ASB9: variants seen among roughly 807,000 people sequenced by gnomAD.
ASB9 encodes ankyrin repeat and SOCS box containing 9.
A neutral mutation model predicts 16.6 loss-of-function variants in ASB9; 5 were observed. The observed-to-expected ratio is 0.30, with a 90% CI of 0.16 to 0.63. The LOEUF (loss-of-function observed/expected upper bound fraction) is 0.63, where lower values mean the gene tolerates loss of function less well. Ranked by LOEUF, ASB9 falls within the 30% of genes least tolerant of loss-of-function variation. The pLI is 0.82. For synonymous variants in ASB9, 100 were observed against 86.4 expected (o/e 1.16, Z -0.87); for missense variants, 216 against 229.4 (o/e 0.94, Z 0.38).
intron 3 of ASB9, 91 bp downstream of exon 3, chrX:15,254,646 T>C: frequency 1.5e-6 from 1 of 659,916 alleles, no homozygotes; most frequent in African/African-American, 2.1e-5. Flanking sequence ...TTCAAATCAG[T>C]CTAATCAAAA....
At chrX:15,266,029 C>G (rs1426161061) in intron 1 of ASB9, among the ~76,000 whole-genome samples, 1 of 110,795 alleles carries the variant, frequency 9.0e-6, no homozygotes, top group East Asian at 2.9e-4. Flanking sequence ...TCTGGAACTC[C>G]CAACCTCAGG....
chrX:15,267,425 T>TTTAAAAAAAAAAAAAAAAATAC lies in ASB9; in HGVS notation c.94+2355_94+2356insGTATTTTTTTTTTTTTTTTTAA, dbSNP rs377056337. Among the ~76,000 whole-genome samples, 15 of 87,620 alleles carry TTTAAAAAAAAAAAAAAAAATAC rather than the reference T, an allele frequency of 1.7e-4. No homozygotes were observed. In the East Asian group the frequency reaches 1.8e-3, roughly 10 times the overall value. The allele number at this position is 87,620 out of a possible 115,157, so 76.1% of individuals were successfully genotyped here. On this transcript the variant is annotated intron_variant, in intron 1 of 6. Transcript: ENST00000380488. ...ACTCCATCTAAAAAAAAAATATATATATATATATAATTATATATATAATTC... is the reference window on the plus strand; with the variant it reads ...ACTCCATCTAAAAAAAAAATATATATTTAAAAAAAAAAAAAAAAATACATATATATAATTATATATATAATTC...
chrX:15,256,584 T>G (rs1925564140), intron 2 of ASB9, among the ~76,000 whole-genome samples: 1 of 107,292 alleles, frequency 9.3e-6, no homozygotes, highest in Admixed American at 1.0e-4. Context: ...GAGACCATCC[T>G]GGCTAACACG....
intron 3 of ASB9, among the ~76,000 whole-genome samples, chrX:15,254,391 C>T (rs769873034): frequency 1.5e-4 from 17 of 112,286 alleles, no homozygotes; most frequent in Non-Finnish European, 3.2e-4. Flanking sequence ...TGAATGACCA[C>T]ATAGATTTTC....
At chrX:15,245,861 A>G (rs1294589053) in intron 6 of ASB9, among the ~76,000 whole-genome samples, 5 of 112,241 alleles carry the variant, frequency 4.5e-5, no homozygotes, top group African/African-American at 1.6e-4. Flanking sequence ...ACAAGGAGAG[A>G]TGGAACTCGA....
chrX:15,255,104 C>T (rs184584849), intron 2 of ASB9, among the ~76,000 whole-genome samples: 154 of 111,718 alleles, frequency 1.4e-3, no homozygotes, highest in African/African-American at 4.9e-3. Flanking sequence ...AGCAATTTGA[C>T]TCTTAGGTAT....
At position 15,267,798 on chromosome X, in the gene ASB9, G is replaced by C. The variant is rs1300016430; in HGVS notation, c.94+1983C>G. 2.9e-5 allele frequency among the ~76,000 whole-genome samples: 3 copies of C among 103,595 alleles called. No homozygotes were observed. The Admixed American group carries it at 3.1e-4, about 11-fold the overall frequency. The allele number at this position is 103,595 out of a possible 115,157, so 90.0% of individuals were successfully genotyped here. ...AAATTCTTTGTGAAAAGTGATTTTT[G>C]ATGCCACTCTTGCTTTCCTAGTTCT... On this transcript the variant is annotated intron_variant, in intron 1 of 6. Transcript: ENST00000380488.
chrX:15,253,491 T>C (rs1171507377), intron 3 of ASB9, among the ~76,000 whole-genome samples: 2 of 109,411 alleles, frequency 1.8e-5, no homozygotes, highest in Non-Finnish European at 3.8e-5. Flanking sequence ...TCCCAGCTAC[T>C]CAGGAGGCTG....
intron 2 of ASB9, among the ~76,000 whole-genome samples, chrX:15,256,311 C>CTTTTTTT (rs756206331): frequency 8.7e-5 from 5 of 57,356 alleles, no homozygotes; most frequent in African/African-American, 1.4e-4. Context: ...GCCTAAGATT[C>CTTTTTTT]TTTTTTTTTT....
At chrX:15,244,766 G>T in intron 6 of ASB9, 136 bp from the exon 7 acceptor site, 2 of 671,546 alleles carry the variant, frequency 3.0e-6, no homozygotes, top group Non-Finnish European at 2.0e-6. Flanking sequence ...CATTTTCTGG[G>T]GTTTTTTTGT....
intron 2 of ASB9, among the ~76,000 whole-genome samples, chrX:15,257,547 A>G (rs889590228): frequency 2.7e-5 from 3 of 111,823 alleles, no homozygotes; most frequent in Non-Finnish European, 5.6e-5. Context: ...CATTGCAGAG[A>G]GGTTCCTTCT....
intron 1 of ASB9, among the ~76,000 whole-genome samples, chrX:15,263,281 G>T (rs940809464): frequency 9.0e-6 from 1 of 111,258 alleles, no homozygotes. Context: ...AGGAGTATTT[G>T]CCTTCAGTCT....
Position 15,250,577 on chromosome X carries a change from G to A in ASB9, c.434-13C>T, listed in dbSNP as rs1299159065. ...CACTCCACGTGGCCTGCAGCCCAAAGCAGGAAGAAAAACAGTTACAATACA... is the reference window on the plus strand; with the variant it reads ...CACTCCACGTGGCCTGCAGCCCAAAACAGGAAGAAAAACAGTTACAATACA... On this transcript the variant is annotated splice_polypyrimidine_tract_variant and intron_variant, in intron 4 of 6. Coordinates refer to ENST00000380488, the MANE Select transcript of ASB9 (RefSeq NM_001031739.3). 3.4e-6 allele frequency: 4 copies of A among 1,192,610 alleles called. No individual in the cohort carries two copies. The highest frequency in any genetic ancestry group is 4.5e-6 in the Non-Finnish European group (4 of 884,738).
Position 15,248,716 on chromosome X carries a change from T to A in ASB9, c.760+28A>T, listed in dbSNP as rs752403463. On this transcript the variant is annotated intron_variant, in intron 6 of 6. Coordinates refer to ENST00000380488, the MANE Select transcript of ASB9 (RefSeq NM_001031739.3). ...AGAGCCCCAAGGGATGTCAACAGAT[T>A]AGGGCTTAGGTTTTGGCAAAGAAGC... 2.5e-6 allele frequency: 3 copies of A among 1,185,434 alleles called. No homozygotes were observed. The Admixed American group carries it at 6.9e-5, about 27-fold the overall frequency.
At chrX:15,266,786 A>G (rs1926433686) in intron 1 of ASB9, among the ~76,000 whole-genome samples, 2 of 109,630 alleles carry the variant, frequency 1.8e-5, no homozygotes, top group Non-Finnish European at 3.8e-5. Context: ...AATACAAAAA[A>G]TTAGCCGGGC....
chrX:15,260,364 C>A (rs1258483002), intron 1 of ASB9, among the ~76,000 whole-genome samples: 1 of 112,118 alleles, frequency 8.9e-6, no homozygotes, highest in Non-Finnish European at 1.9e-5. Flanking sequence ...TGCCACTGCA[C>A]TCCAGCCTGG....
At chrX:15,252,528 A>G in intron 3 of ASB9, 124 bp from the exon 4 acceptor site, 1 of 690,906 alleles carries the variant, frequency 1.4e-6, no homozygotes, top group Non-Finnish European at 2.1e-6. Context: ...TATAAAATGG[A>G]GAAATAACTA....
At chrX:15,255,912 TTAA>T (rs1192132804) in intron 2 of ASB9, among the ~76,000 whole-genome samples, 1 of 111,703 alleles carries the variant, frequency 9.0e-6, no homozygotes, top group African/African-American at 3.3e-5. Flanking sequence ...CACACAGGAT[TTAA>T]TAATATTTGT....
chrX:15,267,543 G>C (rs111598727), intron 1 of ASB9, among the ~76,000 whole-genome samples: 1 of 79,451 alleles, frequency 1.3e-5, no homozygotes, highest in Non-Finnish European at 2.3e-5. Context: ...AGGAGATTGA[G>C]ACCATCCTGG....
Sources: gnomAD v4.1 joint callset for allele counts (sites outside exome capture counted in the v4.1 genomes callset) on GRCh38, gnomAD v4.1.1 for gene constraint, MANE v1.5 for transcripts, NCBI Gene and HGNC (gene_info 2026-07-23, HGNC 2026-07-21) for gene names.